The following PCDHGA3 variants were observed in gnomAD, a reference collection of about 807,000 sequenced individuals.
PCDHGA3 encodes protocadherin gamma-A3.
PCDHGA3 carries 40 observed loss-of-function variants against 58.5 expected under a neutral mutation model. That is an observed-to-expected ratio of 0.68 (90% CI 0.53 to 0.89). The LOEUF is 0.89. Ranked by LOEUF, PCDHGA3 falls within the 40% of genes least tolerant of loss-of-function variation. PCDHGA3 has a pLI of 0.00. For missense variants in PCDHGA3, 1,223 were observed against 1,195.9 expected (o/e 1.02, Z -0.33); for synonymous variants, 530 against 525.7 (o/e 1.01, Z -0.11).
Position 141,344,956 on chromosome 5 carries a change from A to T in PCDHGA3, c.923A>T (p.Asp308Val), listed in dbSNP as rs776859804. The T allele has an allele frequency of 3.1e-5, 50 of 1,613,740 alleles. No individual in the cohort carries two copies. Among genetic ancestry groups the T allele is most frequent in the Non-Finnish European group, 4.2e-5 (49 of 1,179,830 alleles). ...SGEVSILKSL[D>V]YEDAMFYEIK... Reference sequence around the variant, plus strand: ...GAAGTATCAATATTAAAAAGTCTAGATTATGAGGATGCCATGTTCTATGAA... The same window carrying T: ...GAAGTATCAATATTAAAAAGTCTAGTTTATGAGGATGCCATGTTCTATGAA... Residue 308 changes from aspartate to valine, a missense_variant, in exon 1 of 4, where the codon GAT (aspartate) becomes GTT (valine). By Grantham distance (152) the Asp-to-Val change is radical. This residue lies in a region of PCDHGA3 where 791 missense variants were observed against 708.5 expected (regional missense o/e 1.12). Coordinates refer to ENST00000253812, the MANE Select transcript of PCDHGA3 (RefSeq NM_018916.4).
intron 1 of PCDHGA3, among the ~76,000 whole-genome samples, chr5:141,397,274 G>A (rs565956732): frequency 6.6e-6 from 1 of 152,188 alleles, no homozygotes; most frequent in East Asian, 1.9e-4. Flanking sequence ...TACATCATAT[G>A]GGCAGTATAC....
intron 1 of PCDHGA3, among the ~76,000 whole-genome samples, chr5:141,457,931 T>G (rs1335457669): frequency 6.6e-6 from 1 of 152,184 alleles, no homozygotes; most frequent in Non-Finnish European, 1.5e-5. Context: ...CCAAGGGGCT[T>G]TTATTGGCTC....
At chr5:141,377,345 C>T (rs1275867689) in intron 1 of PCDHGA3, 1 of 152,148 alleles carries the variant, frequency 6.6e-6, no homozygotes, top group African/African-American at 2.4e-5. Flanking sequence ...GTGGTTCACG[C>T]CTGTAATCCC....
intron 1 of PCDHGA3, chr5:141,417,739 C>T: frequency 6.4e-6 from 9 of 1,411,706 alleles, no homozygotes; most frequent in Non-Finnish European, 5.6e-6. Flanking sequence ...GCCCAGCACA[C>T]CAGATTGCCA....
rs143530538 is a variant in PCDHGA3 at position 141,490,323 on chromosome 5, G to A, written c.2425-4484G>A. 18 of 1,614,102 alleles carry A rather than the reference G, an allele frequency of 1.1e-5. No individual in the cohort carries two copies. Among genetic ancestry groups the A allele is most frequent in the Non-Finnish European group, 1.4e-5 (17 of 1,180,056 alleles). ...CCTCTTTGGCCAACCCTGTCCTAGA[G>A]AGCACACCAGTGGGCACAGTAGTGG... On this transcript the variant is annotated intron_variant, in intron 1 of 3. Transcript: ENST00000253812. This position sits in a 1 kb window ranked among gnomAD's most constrained non-coding sequence, Gnocchi z 5.4.
intron 1 of PCDHGA3, chr5:141,357,294 C>A: frequency 1.2e-6 from 2 of 1,613,992 alleles, no homozygotes; most frequent in Non-Finnish European, 1.7e-6. Flanking sequence ...TGGCAGTGGC[C>A]GCTGTCTCCT....
chr5:141,389,993 G>GCTCT (rs1379154076), intron 1 of PCDHGA3: 4 of 1,614,016 alleles, frequency 2.5e-6, no homozygotes, highest in Non-Finnish European at 2.5e-6. Flanking sequence ...TCTTCCTCGT[G>GCTCT]GCCATGATTC....
chr5:141,365,179 TGAA>T (rs1323798128), intron 1 of PCDHGA3: 22 of 1,613,762 alleles, frequency 1.4e-5, no homozygotes, highest in Non-Finnish European at 1.9e-5. Context: ...CTTTTCGCAA[TGAA>T]GAAGAAAAAA....
chr5:141,362,661 A>C (rs533318965), intron 1 of PCDHGA3: 2 of 1,346,780 alleles, frequency 1.5e-6, no homozygotes, highest in Admixed American at 2.7e-5. Context: ...GATTTGGCCA[A>C]TGTTGTGCCT....
intron 1 of PCDHGA3, chr5:141,395,944 C>G (rs1218959085): frequency 6.6e-6 from 1 of 151,840 alleles, no homozygotes; most frequent in East Asian, 1.9e-4. Context: ...CATTGCTCCC[C>G]CAAACAAAAA....
chr5:141,444,565 C>G (rs2098441175), intron 1 of PCDHGA3, among the ~76,000 whole-genome samples: 1 of 152,124 alleles, frequency 6.6e-6, no homozygotes, highest in Non-Finnish European at 1.5e-5. Flanking sequence ...TTATTTGACA[C>G]TTTTGACTCT....
intron 1 of PCDHGA3, among the ~76,000 whole-genome samples, chr5:141,435,770 C>G (rs1445835726): frequency 6.6e-6 from 1 of 152,070 alleles, no homozygotes; most frequent in Non-Finnish European, 1.5e-5. Context: ...TTGGTGAATT[C>G]TGTAAAGGTG....
intron 1 of PCDHGA3, among the ~76,000 whole-genome samples, chr5:141,451,302 G>T (rs1445994098): frequency 6.6e-6 from 1 of 152,208 alleles, no homozygotes; most frequent in Non-Finnish European, 1.5e-5. Context: ...GTCTTACAAG[G>T]CAGCAATTAA....
chr5:141,475,527 C>G (rs1462406655), intron 1 of PCDHGA3, among the ~76,000 whole-genome samples: 2 of 152,172 alleles, frequency 1.3e-5, no homozygotes, highest in African/African-American at 2.4e-5. Context: ...ATGCTAAATG[C>G]CTCCTTACAA....
intron 1 of PCDHGA3, among the ~76,000 whole-genome samples, chr5:141,348,269 T>G (rs1363773182): frequency 6.6e-6 from 1 of 152,162 alleles, no homozygotes; most frequent in East Asian, 1.9e-4. Context: ...ACACAAAAGC[T>G]GTAAGCAGAG....
intron 1 of PCDHGA3, chr5:141,410,134 C>T: frequency 6.2e-7 from 1 of 1,612,766 alleles, no homozygotes; most frequent in East Asian, 2.2e-5. Flanking sequence ...GCCTGCTGGT[C>T]GCTGTGCGTG....
In PCDHGA3 at chr5:141,476,776, G is replaced by A. The variant is rs764674164; in HGVS notation, c.2425-18031G>A. 9.3e-6 allele frequency: 15 copies of A among 1,612,744 alleles called. No homozygotes were observed. The highest frequency in any genetic ancestry group is 1.3e-5 in the Non-Finnish European group (15 of 1,179,218). On this transcript the variant is annotated intron_variant, in intron 1 of 3. Coordinates refer to ENST00000253812, the MANE Select transcript of PCDHGA3 (RefSeq NM_018916.4). This position sits in a 1 kb window ranked among gnomAD's most constrained non-coding sequence, Gnocchi z 7.6. ...TAGTGCTGACGGCGTTGGACGGAGG[G>A]ACCCCAGCTCTCTCCGCCAGCCTGC...
At chr5:141,463,692 C>A (rs1482988660) in intron 1 of PCDHGA3, among the ~76,000 whole-genome samples, 2 of 151,934 alleles carry the variant, frequency 1.3e-5, no homozygotes, top group Non-Finnish European at 2.9e-5. Flanking sequence ...GTGATCTGCT[C>A]ACCTCGGCCT....
chr5:141,471,208 C>G (rs559571022), intron 1 of PCDHGA3: 1 of 151,664 alleles, frequency 6.6e-6, no homozygotes, highest in Non-Finnish European at 1.5e-5. Context: ...CACCCCCATG[C>G]CTGGCAATTT....
Sources: gnomAD v4.1 joint callset for allele counts (sites outside exome capture counted in the v4.1 genomes callset) on GRCh38, gnomAD v4.1.1 for gene constraint, gnomAD v4.1.1 regional missense constraint, Gnocchi (gnomAD v3.1) non-coding constraint, MANE v1.5 for transcripts, NCBI Gene and HGNC (gene_info 2026-07-23, HGNC 2026-07-21) for gene names.